P2RY12: variants seen among roughly 807,000 people sequenced by gnomAD.
P2RY12 encodes P2Y purinoceptor 12.
P2RY12 carries 3 observed loss-of-function variants against 4.5 expected under a neutral mutation model. The ratio of observed to expected loss-of-function variants is 0.67; its 90% confidence interval spans 0.31 to 1.74. The LOEUF (loss-of-function observed/expected upper bound fraction) is 1.74. Ranked by LOEUF, P2RY12 falls within the 40% of genes most tolerant of loss-of-function variation. P2RY12 has a pLI of 0.09. For missense variants in P2RY12, 356 were observed against 407.8 expected (o/e 0.87, Z 1.09); for synonymous variants, 148 against 154.1 (o/e 0.96, Z 0.29).
In P2RY12 at chr3:151,336,966, T is replaced by A. The variant is rs1448047551; in HGVS notation, c.*851A>T. 1 of 125,662 alleles carries A rather than the reference T, an allele frequency of 8.0e-6. No homozygotes were observed. Among genetic ancestry groups the A allele is most frequent in the Non-Finnish European group, 1.7e-5 (1 of 58,856 alleles). 7.8% of individuals were successfully genotyped at this position (125,662 alleles called of 1,614,324 possible). On this transcript the variant is annotated 3_prime_UTR_variant, in exon 3 of 3. Coordinates refer to ENST00000302632, the MANE Select transcript of P2RY12 (RefSeq NM_022788.5). ...GTGCAACTTTGTAATCATATTTAAT[T>A]AATTTTTTTCACTAAGGTAAAATGT...
intron 1 of P2RY12, among the ~76,000 whole-genome samples, chr3:151,372,249 G>T (rs188814735): frequency 1.3e-3 from 195 of 152,298 alleles, no homozygotes; most frequent in Non-Finnish European, 2.3e-3. Context: ...ATTCATGCTT[G>T]AAATATTGGT....
chr3:151,360,848 G>A (rs1381447356), intron 1 of P2RY12, among the ~76,000 whole-genome samples: 1 of 152,010 alleles, frequency 6.6e-6, no homozygotes, highest in Non-Finnish European at 1.5e-5. Flanking sequence ...ATATTGAAAT[G>A]ATGTTAGGTC....
chr3:151,358,901 A>G (rs1754271509), intron 1 of P2RY12, among the ~76,000 whole-genome samples: 1 of 152,172 alleles, frequency 6.6e-6, no homozygotes, highest in African/African-American at 2.4e-5. Flanking sequence ...TTAGTCACAA[A>G]ATAATTTTTC....
intron 1 of P2RY12, among the ~76,000 whole-genome samples, chr3:151,353,873 G>A (rs1208886703): frequency 6.6e-6 from 1 of 152,008 alleles, no homozygotes; most frequent in African/African-American, 2.4e-5. Context: ...CGGGCGCGGT[G>A]GCTCACGCCT....
chr3:151,362,128 C>T (rs553478876), intron 1 of P2RY12, among the ~76,000 whole-genome samples: 33 of 152,158 alleles, frequency 2.2e-4, no homozygotes, highest in Middle Eastern at 6.8e-3. Flanking sequence ...ATTCTTCACC[C>T]TCTCTTTACC....
chr3:151,347,261 C>T (rs1752656969), intron 1 of P2RY12, among the ~76,000 whole-genome samples: 1 of 152,172 alleles, frequency 6.6e-6, no homozygotes, highest in Non-Finnish European at 1.5e-5. Flanking sequence ...TTCACCTCTG[C>T]CCTATTCCTT....
intron 1 of P2RY12, among the ~76,000 whole-genome samples, chr3:151,354,519 G>C (rs1753679356): frequency 6.6e-6 from 1 of 152,148 alleles, no homozygotes; most frequent in Non-Finnish European, 1.5e-5. Context: ...CTCCAAAGAA[G>C]ATGCCAAGCA....
chr3:151,343,394 G>T (rs1260220017), intron 1 of P2RY12, among the ~76,000 whole-genome samples: 2 of 152,144 alleles, frequency 1.3e-5, no homozygotes, highest in African/African-American at 4.8e-5. Context: ...TTCAGTTCTT[G>T]ATCTAAATTA....
At chr3:151,367,897 A>G in intron 1 of P2RY12, 2 of 1,073,356 alleles carry the variant, frequency 1.9e-6, no homozygotes, top group South Asian at 1.6e-5. Context: ...ATCAAGGTAG[A>G]TATGGTAGAA....
chr3:151,375,887 C>G (rs909664956), intron 1 of P2RY12: 1 of 486,244 alleles, frequency 2.1e-6, no homozygotes, highest in Non-Finnish European at 3.2e-6. Context: ...ATTTTTCTAC[C>G]TACTTTTTAA....
rs137981161 is a variant in P2RY12 at position 151,338,755 on chromosome 3, G to A, written c.91C>T (p.Leu31Phe). The change falls in exon 3 of 3, where the codon CTC becomes TTC. Residue 31 changes from leucine to phenylalanine, a missense_variant. Leu to Phe is a conservative substitution (Grantham distance 22). Coordinates refer to ENST00000302632, the MANE Select transcript of P2RY12 (RefSeq NM_022788.5). ...YKITQVLFPL[L>F]YTVLFFVGLI... ...CCAACAAAAAACAGGACAGTGTAGA[G>A]CAGTGGGAAGAGGACCTGGGTGATT... 1.9e-6 allele frequency: 3 copies of A among 1,613,060 alleles called. No individual in the cohort carries two copies. The highest frequency in any genetic ancestry group is 2.5e-6 in the Non-Finnish European group (3 of 1,179,678).
intron 1 of P2RY12, among the ~76,000 whole-genome samples, chr3:151,347,151 AC>A (rs879598048): frequency 2.4e-5 from 3 of 123,930 alleles, no homozygotes; most frequent in South Asian, 2.5e-4. Context: ...CACCCTACAA[AC>A]TTTTTTACTC....
chr3:151,340,756 G>A lies in P2RY12; in HGVS notation c.-175C>T, dbSNP rs1751704789. 6.6e-6 allele frequency: 1 copy of A among 152,552 alleles called. No individual in the cohort carries two copies. The highest frequency in any genetic ancestry group is 2.4e-5 in the African/African-American group (1 of 41,436). 9.4% of individuals were successfully genotyped at this position (152,552 alleles called of 1,614,324 possible). A position where few individuals can be genotyped will look rare whatever the true frequency, so the allele number is the denominator to read the frequency against. On this transcript the variant is annotated 5_prime_UTR_variant, in exon 2 of 3. Coordinates refer to ENST00000302632, the MANE Select transcript of P2RY12 (RefSeq NM_022788.5). The stretch of plus-strand genomic sequence containing the variant: ...TGAGTTTTCGTCAGTAAAGTCTTGA[G>A]TGCTCTAGAGAGAAATAGAAGGAGA...
chr3:151,351,696 T>C (rs779012320), intron 1 of P2RY12, among the ~76,000 whole-genome samples: 1 of 152,196 alleles, frequency 6.6e-6, no homozygotes, highest in Non-Finnish European at 1.5e-5. Flanking sequence ...GGAGTCAGTA[T>C]TTCCTTCAGG....
At chr3:151,357,580 T>C (rs1454283629) in intron 1 of P2RY12, among the ~76,000 whole-genome samples, 1 of 152,192 alleles carries the variant, frequency 6.6e-6, no homozygotes, top group Non-Finnish European at 1.5e-5. Flanking sequence ...TGATTCCTTC[T>C]TCCCTTCCTC....
chr3:151,350,517 TAAATG>T (rs1427334559), intron 1 of P2RY12, among the ~76,000 whole-genome samples: 1 of 152,164 alleles, frequency 6.6e-6, no homozygotes, highest in Admixed American at 6.5e-5. Context: ...ATAGTAGTAA[TAAATG>T]AAGTACTGAA....
At chr3:151,378,648 T>C (rs1467635763) in intron 1 of P2RY12, among the ~76,000 whole-genome samples, 1 of 152,154 alleles carries the variant, frequency 6.6e-6, no homozygotes, top group Non-Finnish European at 1.5e-5. Context: ...CAACTAATGT[T>C]TTCTTAATTT....
intron 1 of P2RY12, chr3:151,382,667 C>T (rs1268365881): frequency 6.2e-7 from 1 of 1,607,634 alleles, no homozygotes; most frequent in East Asian, 2.2e-5. Flanking sequence ...TTTTAAGTAA[C>T]TGGAGAGAAG....
chr3:151,365,146 G>C, intron 1 of P2RY12: 1 of 1,614,046 alleles, frequency 6.2e-7, no homozygotes, highest in Non-Finnish European at 8.5e-7. Flanking sequence ...GCGGCCAATC[G>C]CTACAGCTTT....
Sources: allele counts gnomAD v4.1 joint callset (sites outside exome capture counted in the v4.1 genomes callset), GRCh38; gene constraint gnomAD v4.1.1; transcripts MANE v1.5; gene names NCBI Gene and HGNC (gene_info 2026-07-23, HGNC 2026-07-21).